Variants in ALG1 observed in about 807,000 individuals in gnomAD.
The protein encoded by ALG1 is chitobiosyldiphosphodolichol beta-mannosyltransferase.
Under a neutral mutation model 55.1 loss-of-function variants are expected in ALG1, and 58 were observed. That is an observed-to-expected ratio of 1.05 (90% confidence interval 0.85 to 1.31). ALG1 has a LOEUF of 1.31. Among genes scored for constraint, ALG1 ranks in the 50% most tolerant of loss-of-function variants. The pLI, the probability that ALG1 is intolerant of heterozygous loss-of-function variation, is 0.00. For missense variants in ALG1, 761 were observed against 598.6 expected (o/e 1.27, Z -2.83); for synonymous variants, 309 against 247.0 (o/e 1.25, Z -2.35).
Position 5,081,012 on chromosome 16 carries a change from T to G in ALG1, c.1028T>G (p.Val343Gly). The change falls in exon 10 of 13, where the codon GTC becomes GGC. Residue 343 changes from valine to glycine, a missense_variant. Coordinates refer to ENST00000262374, the MANE Select transcript of ALG1 (RefSeq NM_019109.5). ...CAGAAGCACTTCCAGCACATCCAGGTCTGCACCCCCTGGCTGGAGGCCGAG... is the reference window on the plus strand; with the variant it reads ...CAGAAGCACTTCCAGCACATCCAGGGCTGCACCCCCTGGCTGGAGGCCGAG... ...IHQKHFQHIQ[V>G]CTPWLEAEDY... The G allele has an allele frequency of 6.3e-7, 1 of 1,595,996 alleles. No homozygotes were observed. The highest frequency in any genetic ancestry group is 8.5e-7 in the Non-Finnish European group (1 of 1,179,600).
At chr16:5,083,832 G>A in intron 12 of ALG1, 75 bp downstream of exon 12, 1 of 1,593,140 alleles carries the variant, frequency 6.3e-7, no homozygotes, top group Non-Finnish European at 8.5e-7. Flanking sequence ...CCTGATCCCT[G>A]CTTCCCACAG....
chr16:5,077,572 G>A (rs867032368), intron 5 of ALG1, 38 bp downstream of exon 5: 9 of 1,599,888 alleles, frequency 5.6e-6, no homozygotes, highest in Middle Eastern at 1.7e-4. Flanking sequence ...TGGGAGAGGC[G>A]CGGGGCCCCT....
rs370476879 is a variant in ALG1 at position 5,073,259 on chromosome 16, G to C, written c.390+3G>C. On this transcript the variant is annotated splice_donor_region_variant and intron_variant, in intron 3 of 12. Coordinates refer to ENST00000262374, the MANE Select transcript of ALG1 (RefSeq NM_019109.5). ...CAGGTGCCTATATCTTTCTCCAGGTGTGTATCAGCCTCTGCCTCCCTCTGT... is the reference window on the plus strand; with the variant it reads ...CAGGTGCCTATATCTTTCTCCAGGTCTGTATCAGCCTCTGCCTCCCTCTGT... The C allele has an allele frequency of 6.2e-7, 1 of 1,613,544 alleles. No individual in the cohort carries two copies. Among genetic ancestry groups the C allele is most frequent in the Non-Finnish European group, 8.5e-7 (1 of 1,179,590 alleles).
chr16:5,071,896 CG>C lies in ALG1; in HGVS notation c.48del (p.Leu17CysfsTer19). On this transcript the variant is annotated frameshift_variant, in exon 1 of 13. Coordinates refer to ENST00000262374, the MANE Select transcript of ALG1 (RefSeq NM_019109.5). LOFTEE classifies it high-confidence loss of function. ...CTGCTGGCGCTGTGTCTGCTGCTGC[CG>C]CTGCTGCTGCTGGGAGGATGGAAGC... ...LVLLALCLLLPLLLLGGWKRW... is the reference protein window; with the variant it reads ...LVLLALCLLLXLLLLGGWKRW... 1 of 1,600,790 alleles carries C rather than the reference CG, an allele frequency of 6.2e-7. No homozygotes were observed.
At chr16:5,079,958 A>G in intron 9 of ALG1, 151 bp downstream of exon 9, 1 of 1,065,282 alleles carries the variant, frequency 9.4e-7, no homozygotes, top group East Asian at 2.5e-5. Flanking sequence ...CATGGGGGAA[A>G]CTGAGGCTCA....
intron 6 of ALG1, chr16:5,078,312 C>G: frequency 4.8e-6 from 3 of 631,426 alleles, no homozygotes; most frequent in East Asian, 3.3e-5. Context: ...GTTTGTGGAC[C>G]CCTGCGCTGT....
intron 3 of ALG1, 99 bp from the exon 4 acceptor site, chr16:5,075,289 A>T: frequency 7.9e-7 from 1 of 1,265,964 alleles, no homozygotes; most frequent in Non-Finnish European, 1.2e-6. Flanking sequence ...CTCTGTAAAG[A>T]TAACAGACTC....
At position 5,075,464 on chromosome 16, in the gene ALG1, G is replaced by T. The variant is rs1436595177; in HGVS notation, c.467G>T (p.Trp156Leu). 1.2e-6 allele frequency: 2 copies of T among 1,614,186 alleles called. No homozygotes were observed. Among genetic ancestry groups the T allele is most frequent in the Admixed American group, 1.7e-5 (1 of 60,024 alleles). ...CLCGSKLVID[W>L]HNYGYSIMGL... is the part of the protein sequence containing the mutation. ...TGTGGAAGCAAGCTCGTCATTGACT[G>T]GCACAACTATGGCTACTCCATCATG... The change falls in exon 4 of 13, where the codon TGG becomes TTG. Residue 156 changes from tryptophan to leucine, a missense_variant. Coordinates refer to ENST00000262374, the MANE Select transcript of ALG1 (RefSeq NM_019109.5).
At chr16:5,083,567 G>T in intron 11 of ALG1, 115 bp from the exon 12 acceptor site, 1 of 1,572,634 alleles carries the variant, frequency 6.4e-7, no homozygotes, top group Non-Finnish European at 8.6e-7. Context: ...CACACCCCCT[G>T]TTCCAACCCC....
intron 4 of ALG1, 54 bp downstream of exon 4, chr16:5,075,590 G>C (rs1020929377): frequency 3.1e-6 from 5 of 1,607,986 alleles, no homozygotes; most frequent in Admixed American, 1.7e-5. Context: ...TCAAGGATGA[G>C]TGAGAAGAAG....
intron 9 of ALG1, 34 bp from the exon 10 acceptor site, chr16:5,080,912 G>C (rs1957005187): frequency 6.3e-7 from 1 of 1,593,804 alleles, no homozygotes; most frequent in East Asian, 2.2e-5. Context: ...GGACAGAGAT[G>C]GGTCCATGGC....
At chr16:5,078,041 C>A (rs1344297046) in intron 6 of ALG1, 24 bp downstream of exon 6, 1 of 1,596,032 alleles carries the variant, frequency 6.3e-7, no homozygotes, top group Non-Finnish European at 8.5e-7. Context: ...CCTCAGCTGC[C>A]TTCTCTCCTG....
chr16:5,079,360 C>T (rs1383900546), intron 8 of ALG1, among the ~76,000 whole-genome samples: 2 of 152,192 alleles, frequency 1.3e-5, no homozygotes, highest in East Asian at 1.9e-4. Context: ...GCTCTTTCTC[C>T]ACCTGACCAG....
intron 2 of ALG1, 54 bp from the exon 3 acceptor site, chr16:5,073,099 C>A (rs1022674276): frequency 6.2e-7 from 1 of 1,611,594 alleles, no homozygotes; most frequent in African/African-American, 1.3e-5. Flanking sequence ...TTTGAAAAGC[C>A]GTGCAGATTG....
At position 5,086,334 on chromosome 16, in the gene ALG1, CAAAAA is replaced by C. The variant is rs374671583; in HGVS notation, c.*1467_*1471del. ...TGAGTGACAGGGTGAGACTAAGTCT[CAAAAA>C]AAAAAAAAAAAAACCACACGCACCA... On this transcript the variant is annotated 3_prime_UTR_variant, in exon 13 of 13. Coordinates refer to ENST00000262374, the MANE Select transcript of ALG1 (RefSeq NM_019109.5). Among the ~76,000 whole-genome samples, 178 of 128,272 alleles carry C rather than the reference CAAAAA, an allele frequency of 1.4e-3. 3 individuals are homozygous for C. In the South Asian group the frequency reaches 0.017, roughly 13 times the overall value. The allele number at this position is 128,272 out of a possible 152,430, so 84.2% of individuals were successfully genotyped here.
intron 12 of ALG1, 166 bp from the exon 13 acceptor site, chr16:5,084,584 G>C: frequency 1.9e-6 from 2 of 1,070,836 alleles, no homozygotes; most frequent in Middle Eastern, 2.9e-4. Flanking sequence ...ATGTCAAGTT[G>C]GAGGCGGAGT....
Position 5,085,596 on chromosome 16 carries a change from T to G in ALG1, c.*715T>G, listed in dbSNP as rs1567174455. ...AAAAATTCTTCCCATGAGAGTGACT[T>G]GATTCTCACAATCCCGTTGGAGTCG... On this transcript the variant is annotated 3_prime_UTR_variant, in exon 13 of 13. Transcript: ENST00000262374. The G allele has an allele frequency of 1.4e-6, 2 of 1,418,636 alleles. No homozygotes were observed. Among genetic ancestry groups the G allele is most frequent in the East Asian group, 2.3e-5 (1 of 43,930 alleles). 87.9% of individuals were successfully genotyped at this position (1,418,636 alleles called of 1,614,324 possible). A position where few individuals can be genotyped will look rare whatever the true frequency, so the allele number is the denominator to read the frequency against.
chr16:5,072,247 C>G, intron 1 of ALG1, 190 bp downstream of exon 1: 5 of 1,498,266 alleles, frequency 3.3e-6, no homozygotes, highest in Non-Finnish European at 4.4e-6. Context: ...GTTAATCTTG[C>G]CACGTGTCAG....
intron 3 of ALG1, among the ~76,000 whole-genome samples, chr16:5,073,685 C>T (rs1435532184): frequency 2.0e-5 from 3 of 152,234 alleles, no homozygotes; most frequent in Non-Finnish European, 4.4e-5. Flanking sequence ...CTATAGTATA[C>T]ACACGCACGC....
Sources: gnomAD v4.1 joint callset for allele counts (sites outside exome capture counted in the v4.1 genomes callset) on GRCh38, gnomAD v4.1.1 for gene constraint, MANE v1.5 for transcripts, NCBI Gene and HGNC (gene_info 2026-07-23, HGNC 2026-07-21) for gene names.